The following SEMA5A variants were observed in gnomAD, a reference collection of about 807,000 sequenced individuals.
The protein encoded by SEMA5A is semaphorin 5A.
Under a neutral mutation model 135.5 loss-of-function variants are expected in SEMA5A, and 55 were observed. The observed-to-expected ratio is 0.41, with a 90% CI of 0.33 to 0.51. The LOEUF is 0.51. Among genes scored for constraint, SEMA5A ranks in the 20% least tolerant of loss-of-function variants. The pLI is 0.37. For missense variants in SEMA5A, 1,290 were observed against 1,419.9 expected, an observed-to-expected ratio of 0.91 and a Z score of 1.47; for synonymous variants, 580 against 546.5, an observed-to-expected ratio of 1.06 and a Z score of -0.85.
intron 17 of SEMA5A, 43 bp downstream of exon 17, chr5:9,066,378 C>G: frequency 1.3e-6 from 2 of 1,571,368 alleles, no homozygotes; most frequent in South Asian, 1.1e-5. Flanking sequence ...GATCAAAGGC[C>G]CTTCCATGGA....
intron 1 of SEMA5A, among the ~76,000 whole-genome samples, chr5:9,496,260 G>A (rs1035487531): frequency 2.6e-5 from 4 of 152,128 alleles, no homozygotes; most frequent in Non-Finnish European, 5.9e-5. Flanking sequence ...GGCCAGACTG[G>A]TCTCAAACTC....
chr5:9,081,787 A>G (rs1025509798), intron 16 of SEMA5A, among the ~76,000 whole-genome samples: 1 of 152,212 alleles, frequency 6.6e-6, no homozygotes, highest in African/African-American at 2.4e-5. Flanking sequence ...TTCAACTTTA[A>G]CAATTCCATT....
intron 1 of SEMA5A, among the ~76,000 whole-genome samples, chr5:9,518,403 T>C (rs1736641120): frequency 6.6e-6 from 1 of 152,224 alleles, no homozygotes; most frequent in African/African-American, 2.4e-5. Context: ...ATTTAAGAAA[T>C]GCATATTTTG....
chr5:9,352,752 G>A (rs1306322882), intron 3 of SEMA5A, among the ~76,000 whole-genome samples: 1 of 152,074 alleles, frequency 6.6e-6, no homozygotes, highest in Non-Finnish European at 1.5e-5. Flanking sequence ...ATGGCCTATG[G>A]GCCCAATCTA....
intron 5 of SEMA5A, among the ~76,000 whole-genome samples, chr5:9,278,481 A>G (rs1419176498): frequency 6.6e-6 from 1 of 152,244 alleles, no homozygotes; most frequent in Non-Finnish European, 1.5e-5. Context: ...GGGGAGAAAA[A>G]TCAAGCCTGC....
intron 5 of SEMA5A, among the ~76,000 whole-genome samples, chr5:9,272,914 CA>C (rs1431684974): frequency 6.6e-6 from 1 of 152,082 alleles, no homozygotes; most frequent in Non-Finnish European, 1.5e-5. Context: ...GAAACCAGTG[CA>C]AAAATACTAA....
intron 21 of SEMA5A, among the ~76,000 whole-genome samples, chr5:9,046,780 T>G (rs257090): frequency 1.3e-5 from 2 of 152,170 alleles, no homozygotes; most frequent in Non-Finnish European, 2.9e-5. Flanking sequence ...GATCTGCCCC[T>G]TCGGGTGCAT....
At chr5:9,281,023 A>G (rs1561103145) in intron 5 of SEMA5A, among the ~76,000 whole-genome samples, 2 of 152,184 alleles carry the variant, frequency 1.3e-5, no homozygotes, top group Non-Finnish European at 2.9e-5. Context: ...TAATAACCCT[A>G]TGAGTTACAA....
chr5:9,346,540 A>T (rs1753876963), intron 3 of SEMA5A, among the ~76,000 whole-genome samples: 1 of 152,102 alleles, frequency 6.6e-6, no homozygotes, highest in East Asian at 1.9e-4. Context: ...TCCCCACTAG[A>T]TGTTGGTGCG....
At chr5:9,306,532 C>T (rs1751879261) in intron 5 of SEMA5A, among the ~76,000 whole-genome samples, 1 of 152,100 alleles carries the variant, frequency 6.6e-6, no homozygotes. Flanking sequence ...AAATTCTCCA[C>T]TCTTTAATTA....
At chr5:9,400,281 A>T (rs1000660202) in intron 2 of SEMA5A, among the ~76,000 whole-genome samples, 1 of 152,208 alleles carries the variant, frequency 6.6e-6, no homozygotes, top group Non-Finnish European at 1.5e-5. Context: ...CCTATGTAAC[A>T]AGCCTGCACG....
intron 4 of SEMA5A, among the ~76,000 whole-genome samples, chr5:9,322,514 T>C (rs1311661469): frequency 3.3e-5 from 5 of 152,146 alleles, no homozygotes; most frequent in Non-Finnish European, 5.9e-5. Context: ...GAACTTTTCT[T>C]TTTGTAGTAT....
At chr5:9,237,682 G>T in intron 6 of SEMA5A, 146 bp downstream of exon 6, 2 of 528,430 alleles carry the variant, frequency 3.8e-6, no homozygotes, top group South Asian at 4.9e-5. Context: ...AAAAACTTGA[G>T]AATATACCGT....
intron 5 of SEMA5A, among the ~76,000 whole-genome samples, chr5:9,264,874 TC>T (rs1210194405): frequency 6.6e-6 from 1 of 152,136 alleles, no homozygotes; most frequent in Non-Finnish European, 1.5e-5. Context: ...CTGGCTGACT[TC>T]GGGGTGGGAA....
At chr5:9,496,496 C>T (rs1408986721) in intron 1 of SEMA5A, among the ~76,000 whole-genome samples, 2 of 152,276 alleles carry the variant, frequency 1.3e-5, no homozygotes, top group African/African-American at 2.4e-5. Context: ...TCCACCTAGA[C>T]AGTCCACAGA....
intron 4 of SEMA5A, among the ~76,000 whole-genome samples, chr5:9,332,374 T>C (rs1753185631): frequency 1.3e-5 from 2 of 150,910 alleles, no homozygotes; most frequent in Admixed American, 1.3e-4. Flanking sequence ...GTGCAATGCA[T>C]GCAGCTATGG....
chr5:9,246,253 G>T (rs1748476412), intron 5 of SEMA5A, among the ~76,000 whole-genome samples: 1 of 152,100 alleles, frequency 6.6e-6, no homozygotes, highest in Non-Finnish European at 1.5e-5. Flanking sequence ...TGGAGGGATG[G>T]CTATTTTTAT....
chr5:9,276,978 A>G (rs1750296222), intron 5 of SEMA5A, among the ~76,000 whole-genome samples: 1 of 152,322 alleles, frequency 6.6e-6, no homozygotes, highest in African/African-American at 2.4e-5. Flanking sequence ...TAATTAAACT[A>G]AAGAGCTTCT....
intron 8 of SEMA5A, among the ~76,000 whole-genome samples, chr5:9,218,299 G>C (rs1189168515): frequency 6.6e-6 from 1 of 152,186 alleles, no homozygotes; most frequent in Non-Finnish European, 1.5e-5. Context: ...TAGGAAACAA[G>C]CACAGGCACT....
Sources: gnomAD v4.1 joint callset for allele counts (sites outside exome capture counted in the v4.1 genomes callset) on GRCh38, gnomAD v4.1.1 for gene constraint, MANE v1.5 for transcripts, NCBI Gene and HGNC (gene_info 2026-07-23, HGNC 2026-07-21) for gene names.